IMMP2L: variants seen among roughly 807,000 people sequenced by gnomAD.
IMMP2L encodes inner mitochondrial membrane peptidase subunit 2.
IMMP2L carries 18 observed loss-of-function variants against 19.3 expected under a neutral mutation model. The observed-to-expected ratio is 0.93, with a 90% confidence interval of 0.64 to 1.38. The LOEUF (loss-of-function observed/expected upper bound fraction) is 1.38, where lower values mean the gene tolerates loss of function less well. Ranked by LOEUF, IMMP2L falls within the 40% of genes most tolerant of loss-of-function variation. The pLI is 0.00. For missense variants in IMMP2L, 233 were observed against 218.2 expected (o/e 1.07, Z -0.43); for synonymous variants, 76 against 73.0 (o/e 1.04, Z -0.21).
chr7:111,294,442 AC>A, intron 3 of IMMP2L, among the ~76,000 whole-genome samples: 1 of 152,086 alleles, frequency 6.6e-6, no homozygotes, highest in Admixed American at 6.5e-5. Flanking sequence ...TTTTTTCAAA[AC>A]AATGTAGTTT....
At chr7:111,471,931 C>A (rs966332069) in intron 3 of IMMP2L, among the ~76,000 whole-genome samples, 16 of 152,204 alleles carry the variant, frequency 1.1e-4, no homozygotes, top group Middle Eastern at 3.4e-3. Flanking sequence ...CACCTAGCTA[C>A]TGGAAACAAA....
In IMMP2L at chr7:111,393,344, C is replaced by T. The variant is rs138751872; in HGVS notation, c.239+93894G>A. 1.2e-4 allele frequency among the ~76,000 whole-genome samples: 18 copies of T among 152,240 alleles called. No individual in the cohort carries two copies. In the East Asian group the frequency reaches 3.5e-3, roughly 29 times the overall value. ...TTTCACAGATCTTACAAGTGAATAG[C>T]CAGTTACTTGTTCCCTGGCTCTGCA... is the stretch of plus-strand genomic sequence containing the variant. On this transcript the variant is annotated intron_variant, in intron 3 of 5. Coordinates refer to ENST00000405709, the MANE Select transcript of IMMP2L (RefSeq NM_032549.4).
intron 5 of IMMP2L, among the ~76,000 whole-genome samples, chr7:110,777,117 G>A (rs2131057158): frequency 6.6e-6 from 1 of 152,088 alleles, no homozygotes; most frequent in East Asian, 1.9e-4. Context: ...AGAAATTCCT[G>A]AGAATGTCTC....
chr7:111,118,041 A>C (rs983412321), intron 3 of IMMP2L, among the ~76,000 whole-genome samples: 2 of 152,128 alleles, frequency 1.3e-5, no homozygotes, highest in African/African-American at 4.8e-5. Context: ...ACAAAAGACC[A>C]CAGAACATTC....
At chr7:110,693,533 A>G (rs1793659946) in intron 5 of IMMP2L, among the ~76,000 whole-genome samples, 1 of 152,142 alleles carries the variant, frequency 6.6e-6, no homozygotes, top group South Asian at 2.1e-4. Flanking sequence ...TTGCTTTGTT[A>G]ATTGCTGTAT....
At chr7:110,683,615 A>C (rs1397479914) in intron 5 of IMMP2L, among the ~76,000 whole-genome samples, 1 of 152,138 alleles carries the variant, frequency 6.6e-6, no homozygotes, top group Non-Finnish European at 1.5e-5. Context: ...TAAAGACTCA[A>C]TCTGTCCTCT....
At chr7:110,729,867 T>A (rs907564544) in intron 5 of IMMP2L, among the ~76,000 whole-genome samples, 3 of 151,940 alleles carry the variant, frequency 2.0e-5, no homozygotes, top group Non-Finnish European at 4.4e-5. Flanking sequence ...ATGGCACACA[T>A]CTACCTATGT....
At chr7:111,078,240 T>G (rs2129576033) in intron 3 of IMMP2L, among the ~76,000 whole-genome samples, 1 of 152,246 alleles carries the variant, frequency 6.6e-6, no homozygotes, top group South Asian at 2.1e-4. Flanking sequence ...CCTGAAGGAA[T>G]GAATGAAAAA....
chr7:110,798,011 C>A (rs118152327), intron 5 of IMMP2L, among the ~76,000 whole-genome samples: 117 of 151,770 alleles, frequency 7.7e-4, no homozygotes, highest in Non-Finnish European at 1.3e-3. Context: ...GTTATTAACA[C>A]AAAAGAAATG....
intron 3 of IMMP2L, chr7:111,411,773 G>A (rs538926056): frequency 2.5e-5 from 5 of 199,152 alleles, no homozygotes; most frequent in South Asian, 9.4e-5. Context: ...GCTGGTGAGC[G>A]TCAACGTGCA....
chr7:110,789,300 T>C (rs550686908), intron 5 of IMMP2L, among the ~76,000 whole-genome samples: 1 of 151,954 alleles, frequency 6.6e-6, no homozygotes, highest in Non-Finnish European at 1.5e-5. Context: ...ATGGCTGTTT[T>C]ATGACACTAA....
intron 3 of IMMP2L, among the ~76,000 whole-genome samples, chr7:111,053,799 A>G (rs1190516553): frequency 6.6e-6 from 1 of 152,240 alleles, no homozygotes; most frequent in African/African-American, 2.4e-5. Flanking sequence ...AAATAAGTGT[A>G]TCTCTGCTGT....
intron 3 of IMMP2L, among the ~76,000 whole-genome samples, chr7:111,419,883 A>G (rs1835320112): frequency 6.6e-6 from 1 of 151,876 alleles, no homozygotes; most frequent in South Asian, 2.1e-4. Context: ...ATTCATAGAA[A>G]AAGAAAATGA....
chr7:110,920,224 C>T (rs886907385), intron 4 of IMMP2L, among the ~76,000 whole-genome samples: 3 of 152,168 alleles, frequency 2.0e-5, no homozygotes, highest in Non-Finnish European at 4.4e-5. Context: ...TGAGTCAATA[C>T]TCCTTAATAA....
chr7:110,932,026 C>G (rs1017834680), intron 4 of IMMP2L, among the ~76,000 whole-genome samples: 2 of 152,180 alleles, frequency 1.3e-5, no homozygotes, highest in Non-Finnish European at 2.9e-5. Context: ...ACACCTACCC[C>G]ACTGAAACCA....
At chr7:111,357,052 G>T (rs1784716027) in intron 3 of IMMP2L, among the ~76,000 whole-genome samples, 1 of 152,074 alleles carries the variant, frequency 6.6e-6, no homozygotes, top group Non-Finnish European at 1.5e-5. Flanking sequence ...CAAGCTACAA[G>T]ATTACTATCA....
At chr7:111,484,087 T>C (rs1418461241) in intron 3 of IMMP2L, among the ~76,000 whole-genome samples, 1 of 152,214 alleles carries the variant, frequency 6.6e-6, no homozygotes, top group Non-Finnish European at 1.5e-5. Context: ...AATGATAATG[T>C]CTTTCTGCCC....
chr7:110,881,738 G>A (rs532893075), intron 5 of IMMP2L, among the ~76,000 whole-genome samples: 2 of 152,258 alleles, frequency 1.3e-5, no homozygotes, highest in South Asian at 2.1e-4. Context: ...ATTCATTCTC[G>A]TGTATCACAA....
At chr7:110,875,338 C>G (rs1161892774) in intron 5 of IMMP2L, among the ~76,000 whole-genome samples, 1 of 152,050 alleles carries the variant, frequency 6.6e-6, no homozygotes, top group Admixed American at 6.6e-5. Context: ...ATTATCATTT[C>G]CTATTCAGCA....
Sources: gnomAD v4.1 joint callset for allele counts (sites outside exome capture counted in the v4.1 genomes callset) on GRCh38, gnomAD v4.1.1 for gene constraint, MANE v1.5 for transcripts, NCBI Gene and HGNC (gene_info 2026-07-23, HGNC 2026-07-21) for gene names.